TGFA: variants seen among roughly 807,000 people sequenced by gnomAD.
TGFA encodes the protein transforming growth factor alpha.
TGFA carries 12 observed loss-of-function variants against 21.7 expected under a neutral mutation model. The observed-to-expected ratio is 0.55, with a 90% CI of 0.35 to 0.90. The LOEUF (loss-of-function observed/expected upper bound fraction) is 0.90, where lower values mean the gene tolerates loss of function less well. Among genes scored for constraint, TGFA ranks in the 40% least tolerant of loss-of-function variants. The pLI, the probability that TGFA is intolerant of heterozygous loss-of-function variation, is 0.01. For missense variants in TGFA, 178 were observed against 210.8 expected (o/e 0.84, Z 0.96); for synonymous variants, 79 against 88.1 (o/e 0.90, Z 0.58).
At chr2:70,548,347 C>T (rs1673380332) in intron 1 of TGFA, among the ~76,000 whole-genome samples, 1 of 152,140 alleles carries the variant, frequency 6.6e-6, no homozygotes, top group Non-Finnish European at 1.5e-5. Flanking sequence ...GGTTAAGCAC[C>T]AATCAACATT....
At chr2:70,457,643 G>A (rs1670277797) in intron 3 of TGFA, among the ~76,000 whole-genome samples, 1 of 151,494 alleles carries the variant, frequency 6.6e-6, no homozygotes, top group South Asian at 2.1e-4. Flanking sequence ...CTGAGTTCAA[G>A]TGGTTCTCCT....
At chr2:70,524,133 C>A (rs1414411508) in intron 1 of TGFA, among the ~76,000 whole-genome samples, 2 of 152,212 alleles carry the variant, frequency 1.3e-5, no homozygotes, top group African/African-American at 4.8e-5. Flanking sequence ...ATGTTACCCA[C>A]TTCAAAGCCT....
intron 1 of TGFA, among the ~76,000 whole-genome samples, chr2:70,544,170 G>C (rs6546610): frequency 6.6e-6 from 1 of 151,734 alleles, no homozygotes; most frequent in Admixed American, 6.6e-5. Context: ...AGTCAGCTTC[G>C]TACTTAAGTG....
At chr2:70,494,340 T>A (rs1296619230) in intron 2 of TGFA, among the ~76,000 whole-genome samples, 5 of 152,268 alleles carry the variant, frequency 3.3e-5, no homozygotes, top group African/African-American at 1.2e-4. Flanking sequence ...AGAATATGAG[T>A]TGGACATCTT....
At chr2:70,530,842 G>T (rs1672795637) in intron 1 of TGFA, among the ~76,000 whole-genome samples, 1 of 152,220 alleles carries the variant, frequency 6.6e-6, no homozygotes, top group East Asian at 1.9e-4. Context: ...TGCTGGCCTG[G>T]TACCAGAGCA....
At chr2:70,457,838 G>A (rs1553490837) in intron 3 of TGFA, among the ~76,000 whole-genome samples, 1 of 152,100 alleles carries the variant, frequency 6.6e-6, no homozygotes, top group Non-Finnish European at 1.5e-5. Flanking sequence ...CACAGTGCCC[G>A]GCCTGCTGGT....
At chr2:70,464,856 G>A (rs894283665) in intron 3 of TGFA, among the ~76,000 whole-genome samples, 4 of 152,152 alleles carry the variant, frequency 2.6e-5, no homozygotes, top group Non-Finnish European at 5.9e-5. Context: ...GAGCATGTGA[G>A]GCCTGGAACA....
chr2:70,463,016 G>A (rs1381781919), intron 3 of TGFA, among the ~76,000 whole-genome samples: 2 of 152,034 alleles, frequency 1.3e-5, no homozygotes, highest in African/African-American at 2.4e-5. Context: ...AGTGGTTTGA[G>A]GTGAATTTTG....
intron 2 of TGFA, among the ~76,000 whole-genome samples, chr2:70,472,644 G>A (rs1272751201): frequency 6.6e-6 from 1 of 152,188 alleles, no homozygotes; most frequent in Admixed American, 6.5e-5. Flanking sequence ...CAACAGCCCT[G>A]CTCCCCTGGG....
intron 2 of TGFA, among the ~76,000 whole-genome samples, chr2:70,472,159 C>T (rs1670770850): frequency 6.6e-6 from 1 of 152,144 alleles, no homozygotes; most frequent in Non-Finnish European, 1.5e-5. Context: ...GTGGCAAAGG[C>T]CAGCAGGGAA....
chr2:70,489,103 A>C (rs1553497133), intron 2 of TGFA, among the ~76,000 whole-genome samples: 1 of 152,140 alleles, frequency 6.6e-6, no homozygotes, highest in Non-Finnish European at 1.5e-5. Flanking sequence ...GACTTTGGCC[A>C]AGTCCTTCCC....
chr2:70,530,802 G>A (rs1397029415), intron 1 of TGFA, among the ~76,000 whole-genome samples: 1 of 152,216 alleles, frequency 6.6e-6, no homozygotes, highest in African/African-American at 2.4e-5. Flanking sequence ...GAGGTGAAGG[G>A]TCCACAAGGA....
chr2:70,468,158 T>C (rs781810806), intron 2 of TGFA, among the ~76,000 whole-genome samples: 1 of 152,244 alleles, frequency 6.6e-6, no homozygotes, highest in African/African-American at 2.4e-5. Flanking sequence ...ATAAAACCAC[T>C]ACAGTAAGTA....
At chr2:70,510,150 C>T (rs951115520) in intron 2 of TGFA, among the ~76,000 whole-genome samples, 2 of 152,306 alleles carry the variant, frequency 1.3e-5, no homozygotes, top group East Asian at 1.9e-4. Flanking sequence ...TGACACATTC[C>T]CCCACGGGTT....
chr2:70,510,387 G>C (rs1303835545), intron 2 of TGFA, among the ~76,000 whole-genome samples: 2 of 152,198 alleles, frequency 1.3e-5, no homozygotes, highest in African/African-American at 4.8e-5. Context: ...AAAACCTGCA[G>C]TCAGCCTTAT....
At chr2:70,529,889 G>A (rs1553503536) in intron 1 of TGFA, among the ~76,000 whole-genome samples, 1 of 152,182 alleles carries the variant, frequency 6.6e-6, no homozygotes, top group African/African-American at 2.4e-5. Context: ...GGTCACAGTG[G>A]GGTGGCCACT....
At chr2:70,504,465 C>CATATATATATATATATATATAT (rs1559124076) in intron 2 of TGFA, among the ~76,000 whole-genome samples, 1 of 62,518 alleles carries the variant, frequency 1.6e-5, no homozygotes, top group Non-Finnish European at 3.8e-5. Flanking sequence ...TATATATATA[C>CATATATATATATATATATATAT]ACACATACAT....
At chr2:70,487,324 T>C (rs1045922217) in intron 2 of TGFA, among the ~76,000 whole-genome samples, 18 of 152,236 alleles carry the variant, frequency 1.2e-4, no homozygotes, top group African/African-American at 4.1e-4. Context: ...GTATTCTTTA[T>C]CCAAAGTGCC....
intron 1 of TGFA, among the ~76,000 whole-genome samples, chr2:70,515,249 G>A (rs907954303): frequency 2.0e-5 from 3 of 152,006 alleles, no homozygotes; most frequent in Admixed American, 6.5e-5. Context: ...GAAAATATAC[G>A]TAACATAAAA....
Sources: allele counts gnomAD v4.1 joint callset (sites outside exome capture counted in the v4.1 genomes callset), GRCh38; gene constraint gnomAD v4.1.1; transcripts MANE v1.5; gene names NCBI Gene and HGNC (gene_info 2026-07-23, HGNC 2026-07-21).